Variants in MORC1 observed in about 807,000 individuals in gnomAD.
MORC1 encodes the protein MORC family CW-type zinc finger 1.
A neutral mutation model predicts 134.9 loss-of-function variants in MORC1; 59 were observed. The observed-to-expected ratio is 0.44, with a 90% CI of 0.35 to 0.54. The LOEUF (loss-of-function observed/expected upper bound fraction) is 0.54, where lower values mean the gene tolerates loss of function less well. Among genes scored for constraint, MORC1 ranks in the 20% least tolerant of loss-of-function variants. The pLI, the probability that MORC1 is intolerant of heterozygous loss-of-function variation, is 0.00. For synonymous variants in MORC1, 395 were observed against 391.7 expected (o/e 1.01, Z -0.10); for missense variants, 947 against 1,134.5 (o/e 0.83, Z 2.37).
intron 21 of MORC1, among the ~76,000 whole-genome samples, chr3:108,990,383 G>T (rs959265749): frequency 6.6e-6 from 1 of 152,064 alleles, no homozygotes; most frequent in Admixed American, 6.6e-5. Flanking sequence ...TGGCTCTTCA[G>T]AAGCTCTTTT....
intron 8 of MORC1, among the ~76,000 whole-genome samples, chr3:109,072,500 G>C (rs906091421): frequency 1.3e-5 from 2 of 152,110 alleles, no homozygotes; most frequent in Non-Finnish European, 2.9e-5. Context: ...ATCCCCAACT[G>C]GCTGTGAGAT....
At position 109,005,332 on chromosome 3, in the gene MORC1, C is replaced by T. The variant is rs760559418; in HGVS notation, c.1768-17G>A. 1 of 1,567,330 alleles carries T rather than the reference C, an allele frequency of 6.4e-7. No individual in the cohort carries two copies. Among genetic ancestry groups the T allele is most frequent in the Non-Finnish European group, 8.6e-7 (1 of 1,163,016 alleles). ...GGTATTTTCCTTAAATAACAAAGAACATGTTTTTATTTTTTGGTAGATAGC... is the reference window on the plus strand; with the variant it reads ...GGTATTTTCCTTAAATAACAAAGAATATGTTTTTATTTTTTGGTAGATAGC... On this transcript the variant is annotated splice_polypyrimidine_tract_variant and intron_variant, in intron 18 of 27. Transcript: ENST00000232603.
At chr3:109,113,336 CAG>C (rs1486134099) in intron 2 of MORC1, among the ~76,000 whole-genome samples, 5 of 152,146 alleles carry the variant, frequency 3.3e-5, no homozygotes, top group South Asian at 2.1e-4. Flanking sequence ...ATTAGCTCAA[CAG>C]AGAGAGTTTC....
chr3:109,092,904 T>C (rs4855691), intron 8 of MORC1, among the ~76,000 whole-genome samples: 119,690 of 152,100 alleles, frequency 0.79, 47,968 homozygotes, highest in East Asian at 0.93. Flanking sequence ...TAGCTTTTGT[T>C]GCTATTTCAT....
intron 22 of MORC1, among the ~76,000 whole-genome samples, chr3:108,985,744 T>C (rs1947878837): frequency 6.6e-6 from 1 of 152,200 alleles, no homozygotes; most frequent in Non-Finnish European, 1.5e-5. Context: ...AAATTAAATA[T>C]TAATTTTAGG....
At position 108,969,651 on chromosome 3, in the gene MORC1, T is replaced by C. The variant is rs750911681; in HGVS notation, c.2604+18A>G. Reference sequence around the variant, plus strand: ...GGATCATTTAGAATATAAATGGTGATACTGAAAGGAAGCTTACCTGGTTGA... The same window carrying C: ...GGATCATTTAGAATATAAATGGTGACACTGAAAGGAAGCTTACCTGGTTGA... On this transcript the variant is annotated intron_variant, in intron 26 of 27. Coordinates refer to ENST00000232603, the MANE Select transcript of MORC1 (RefSeq NM_014429.4). 1.2e-6 allele frequency: 2 copies of C among 1,603,202 alleles called. No homozygotes were observed. The highest frequency in any genetic ancestry group is 1.7e-5 in the Admixed American group (1 of 59,984).
In MORC1 at chr3:109,007,078, G is replaced by C. The variant is rs750769651; in HGVS notation, c.1718C>G (p.Pro573Arg). 3 of 1,610,782 alleles carry C rather than the reference G, an allele frequency of 1.9e-6. No homozygotes were observed. The highest frequency in any genetic ancestry group is 2.2e-5 in the East Asian group (1 of 44,744). ...GGAAGTGACAGTGATTTCGTCCACTGGTATAAATTGAGGCTTTATGGGAAA... is the reference window on the plus strand; with the variant it reads ...GGAAGTGACAGTGATTTCGTCCACTCGTATAAATTGAGGCTTTATGGGAAA... ...AEQQPQPQFIPVDEITVTSTC... is the reference protein window; with the variant it reads ...AEQQPQPQFIRVDEITVTSTC... Residue 573 changes from proline (P) to arginine (R), a missense_variant, in exon 18 of 28, where the codon CCA becomes CGA. Pro to Arg is a moderately radical substitution (Grantham distance 103). Around this residue, in one of 3 missense-constraint regions of MORC1, gnomAD observed 722 missense variants for 817.0 expected, o/e 0.88. Coordinates refer to ENST00000232603, the MANE Select transcript of MORC1 (RefSeq NM_014429.4).
intron 16 of MORC1, among the ~76,000 whole-genome samples, chr3:109,028,849 C>T (rs975012171): frequency 5.3e-5 from 8 of 152,074 alleles, no homozygotes; most frequent in African/African-American, 1.4e-4. Context: ...GCAGTAGTGT[C>T]GTAAGACGCT....
chr3:109,022,419 A>C, intron 17 of MORC1, among the ~76,000 whole-genome samples: 1 of 152,350 alleles, frequency 6.6e-6, no homozygotes, highest in Admixed American at 6.5e-5. Context: ...TACTGCTAAA[A>C]CAATCAATGT....
chr3:109,011,977 A>C (rs1948696640), intron 17 of MORC1, among the ~76,000 whole-genome samples: 1 of 152,226 alleles, frequency 6.6e-6, no homozygotes, highest in African/African-American at 2.4e-5. Context: ...CAATTTAAAA[A>C]ATTTTCTTTT....
At chr3:109,007,248 C>T (rs1948562108) in intron 17 of MORC1, among the ~76,000 whole-genome samples, 157 bp from the exon 18 acceptor site, 1 of 152,136 alleles carries the variant, frequency 6.6e-6, no homozygotes, top group Non-Finnish European at 1.5e-5. Context: ...TTTAGATATC[C>T]TGTAGTAATG....
chr3:108,959,200 T>C, intron 27 of MORC1, 80 bp from the exon 28 acceptor site: 1 of 1,262,574 alleles, frequency 7.9e-7, no homozygotes. Flanking sequence ...CTCCTAACAG[T>C]CTTCCCTATG....
intron 9 of MORC1, among the ~76,000 whole-genome samples, chr3:109,068,084 A>G (rs1950238719): frequency 6.6e-6 from 1 of 152,236 alleles, no homozygotes; most frequent in Non-Finnish European, 1.5e-5. Context: ...AACCTAACAC[A>G]CAGTGTTACT....
At chr3:109,067,985 T>C (rs536859144) in intron 9 of MORC1, among the ~76,000 whole-genome samples, 4 of 152,226 alleles carry the variant, frequency 2.6e-5, no homozygotes, top group Admixed American at 1.3e-4. Context: ...AGAAGAAACA[T>C]TGAATTTGGA....
At chr3:109,095,710 C>T (rs1196474579) in intron 6 of MORC1, among the ~76,000 whole-genome samples, 1 of 152,142 alleles carries the variant, frequency 6.6e-6, no homozygotes, top group African/African-American at 2.4e-5. Context: ...CTTCAGATCT[C>T]GTTCCCATTT....
At chr3:109,097,753 A>G (rs1369452091) in intron 6 of MORC1, among the ~76,000 whole-genome samples, 1 of 152,254 alleles carries the variant, frequency 6.6e-6, no homozygotes, top group Non-Finnish European at 1.5e-5. Context: ...CTAAGCAGTC[A>G]ATGATTAATT....
chr3:108,999,194 T>C (rs942815316), intron 21 of MORC1, among the ~76,000 whole-genome samples: 3 of 152,264 alleles, frequency 2.0e-5, no homozygotes, highest in Admixed American at 1.3e-4. Context: ...TTTACTTTTT[T>C]CATTTAGTTG....
At chr3:109,016,928 T>TTA (rs1948828933) in intron 17 of MORC1, among the ~76,000 whole-genome samples, 3 of 152,172 alleles carry the variant, frequency 2.0e-5, no homozygotes, top group Non-Finnish European at 4.4e-5. Context: ...GTGCTGTATT[T>TTA]CTTCAATTTT....
intron 16 of MORC1, among the ~76,000 whole-genome samples, chr3:109,031,812 T>C (rs923351543): frequency 6.6e-6 from 1 of 152,178 alleles, no homozygotes; most frequent in African/African-American, 2.4e-5. Context: ...ATCTACTTAT[T>C]TTTGGGTTCT....
Sources: allele counts gnomAD v4.1 joint callset (sites outside exome capture counted in the v4.1 genomes callset), GRCh38; gene constraint gnomAD v4.1.1; regional missense constraint gnomAD v4.1.1; transcripts MANE v1.5; gene names NCBI Gene and HGNC (gene_info 2026-07-23, HGNC 2026-07-21).